NAV2: variants seen among roughly 807,000 people sequenced by gnomAD.
NAV2 encodes the protein neuron navigator 2.
In NAV2, 54 loss-of-function variants were observed where a neutral mutation model predicts 223.2. That is an observed-to-expected ratio of 0.24 (90% CI 0.19 to 0.30). The LOEUF is 0.30. Ranked by LOEUF, NAV2 falls within the 10% of genes least tolerant of loss-of-function variation. The pLI is 1.00. For missense variants in NAV2, 2,806 were observed against 3,147.5 expected (o/e 0.89, Z 2.60); for synonymous variants, 1,279 against 1,239.3 (o/e 1.03, Z -0.67).
At chr11:19,449,518 T>C (rs920471631) in intron 1 of NAV2, among the ~76,000 whole-genome samples, 5 of 151,534 alleles carry the variant, frequency 3.3e-5, no homozygotes, top group African/African-American at 1.2e-4. Context: ...ATACTAAGCC[T>C]GCCCATACCT....
intron 1 of NAV2, among the ~76,000 whole-genome samples, chr11:19,774,670 C>G: frequency 1.3e-5 from 2 of 152,264 alleles, no homozygotes; most frequent in South Asian, 4.2e-4. Flanking sequence ...TCAACACCCT[C>G]GGCAAAGCTG....
At chr11:19,586,214 T>C (rs762940534) in intron 1 of NAV2, among the ~76,000 whole-genome samples, 14 of 152,234 alleles carry the variant, frequency 9.2e-5, no homozygotes, top group Non-Finnish European at 1.6e-4. Flanking sequence ...TCTTGTGCCA[T>C]GGTTTTCAGC....
intron 1 of NAV2, among the ~76,000 whole-genome samples, chr11:19,783,278 A>G (rs1250161606): frequency 6.6e-6 from 1 of 152,178 alleles, no homozygotes; most frequent in African/African-American, 2.4e-5. Context: ...CCATTGGTGG[A>G]TGAAGTCCAA....
At chr11:19,945,726 A>G (rs2046889074) in intron 8 of NAV2, among the ~76,000 whole-genome samples, 1 of 152,076 alleles carries the variant, frequency 6.6e-6, no homozygotes, top group Non-Finnish European at 1.5e-5. Context: ...GTGCTAAGGG[A>G]TCTCCAGGCC....
intron 11 of NAV2, among the ~76,000 whole-genome samples, chr11:20,032,553 A>C (rs1022762055): frequency 6.6e-6 from 1 of 152,156 alleles, no homozygotes; most frequent in African/African-American, 2.4e-5. Flanking sequence ...CTTCTTCATC[A>C]AATTATGAGA....
chr11:19,480,500 G>A (rs139819024), intron 1 of NAV2, among the ~76,000 whole-genome samples: 13 of 152,278 alleles, frequency 8.5e-5, no homozygotes, highest in East Asian at 5.8e-4. Context: ...GAGCGGTGGC[G>A]GTGGTGGGAG....
At chr11:19,649,428 A>G (rs1283701314) in intron 1 of NAV2, among the ~76,000 whole-genome samples, 1 of 152,214 alleles carries the variant, frequency 6.6e-6, no homozygotes, top group Non-Finnish European at 1.5e-5. Context: ...AATGGCATAT[A>G]AACAACAAAC....
intron 4 of NAV2, among the ~76,000 whole-genome samples, chr11:19,870,257 G>GT (rs2062395818): frequency 2.0e-5 from 3 of 152,136 alleles, no homozygotes; most frequent in Admixed American, 1.3e-4. Flanking sequence ...TTGCTGGGGG[G>GT]CGGGGGTTTG....
At chr11:19,347,928 G>A (rs1163932498), upstream of NAV2, among the ~76,000 whole-genome samples, 1 of 152,200 alleles carries the variant, frequency 6.6e-6, no homozygotes, top group Non-Finnish European at 1.5e-5. Context: ...GGATGTGGCA[G>A]CTAGCTAGCT....
intron 1 of NAV2, among the ~76,000 whole-genome samples, chr11:19,666,168 C>T (rs1343889281): frequency 6.6e-6 from 1 of 152,236 alleles, no homozygotes; most frequent in Non-Finnish European, 1.5e-5. Context: ...TCCGTTCTCT[C>T]TGACGTTAAA....
intron 6 of NAV2, among the ~76,000 whole-genome samples, chr11:19,906,429 G>T (rs1336623033): frequency 6.6e-6 from 1 of 152,158 alleles, no homozygotes; most frequent in Non-Finnish European, 1.5e-5. Flanking sequence ...ACAGAGAGGG[G>T]TGGACACTAG....
intron 1 of NAV2, among the ~76,000 whole-genome samples, chr11:19,551,874 C>CCTCCTT: frequency 6.6e-6 from 1 of 151,390 alleles, no homozygotes. Flanking sequence ...TGCTCCTTCC[C>CCTCCTT]CTCCTTCTCC....
chr11:19,451,826 A>C (rs895461310), intron 1 of NAV2, among the ~76,000 whole-genome samples: 3 of 152,212 alleles, frequency 2.0e-5, no homozygotes, highest in African/African-American at 7.2e-5. Flanking sequence ...AAGCAAATGT[A>C]AGGACATGGA....
upstream of NAV2, chr11:19,712,636 G>T (rs1173923759): frequency 6.6e-6 from 1 of 152,332 alleles, no homozygotes; most frequent in Non-Finnish European, 1.5e-5. Flanking sequence ...CGCGCGGCCG[G>T]GGCAGTGCCG....
At chr11:19,543,631 C>T (rs2044399416) in intron 1 of NAV2, among the ~76,000 whole-genome samples, 1 of 152,322 alleles carries the variant, frequency 6.6e-6, no homozygotes. Context: ...GATAGCTACC[C>T]TCTATGAGCT....
chr11:19,996,640 A>G (rs972630643), intron 11 of NAV2, among the ~76,000 whole-genome samples: 1 of 152,162 alleles, frequency 6.6e-6, no homozygotes, highest in African/African-American at 2.4e-5. Flanking sequence ...TCTGTCTTCC[A>G]TTGCCTCCTC....
chr11:19,962,893 C>T (rs1014837874), intron 10 of NAV2, among the ~76,000 whole-genome samples: 1 of 152,204 alleles, frequency 6.6e-6, no homozygotes, highest in Admixed American at 6.5e-5. Context: ...ATCTCCACTG[C>T]ATCACTGGAG....
intron 6 of NAV2, among the ~76,000 whole-genome samples, chr11:19,897,529 A>C (rs1203807270): frequency 6.6e-6 from 1 of 152,166 alleles, no homozygotes; most frequent in Non-Finnish European, 1.5e-5. Context: ...GGTTACACAG[A>C]ACAACCCACT....
chr11:19,560,590 T>C (rs1487267426), intron 1 of NAV2, among the ~76,000 whole-genome samples: 1 of 152,238 alleles, frequency 6.6e-6, no homozygotes, highest in Non-Finnish European at 1.5e-5. Context: ...ATAAACAACA[T>C]GCTGTGAATA....
Sources: gnomAD v4.1 joint callset for allele counts (sites outside exome capture counted in the v4.1 genomes callset) on GRCh38, gnomAD v4.1.1 for gene constraint, MANE v1.5 for transcripts, NCBI Gene and HGNC (gene_info 2026-07-23, HGNC 2026-07-21) for gene names.